LUZP2: variants seen among roughly 807,000 people sequenced by gnomAD.
LUZP2 encodes leucine zipper protein 2.
Under a neutral mutation model 51.6 loss-of-function variants are expected in LUZP2, and 52 were observed. The ratio of observed to expected loss-of-function variants is 1.01; its 90% CI spans 0.81 to 1.27. LUZP2 has a LOEUF of 1.27. LUZP2 is among the 50% of genes most tolerant of loss of function. LUZP2 has a pLI of 0.00. For missense variants in LUZP2, 436 were observed against 395.4 expected (o/e 1.10, Z -0.87); for synonymous variants, 154 against 137.3 (o/e 1.12, Z -0.85).
At chr11:24,608,223 C>A (rs1054716936) in intron 1 of LUZP2, among the ~76,000 whole-genome samples, 4 of 152,132 alleles carry the variant, frequency 2.6e-5, no homozygotes, top group Non-Finnish European at 5.9e-5. Context: ...CCTGTATTCA[C>A]CTTCCAACCC....
At chr11:24,902,181 G>A (rs1223052272) in intron 5 of LUZP2, among the ~76,000 whole-genome samples, 1 of 152,006 alleles carries the variant, frequency 6.6e-6, no homozygotes, top group Non-Finnish European at 1.5e-5. Context: ...ATGTTCAGGG[G>A]TACATGTGCA....
chr11:25,017,305 G>A (rs1857188773), intron 9 of LUZP2, among the ~76,000 whole-genome samples: 1 of 151,928 alleles, frequency 6.6e-6, no homozygotes, highest in Non-Finnish European at 1.5e-5. Flanking sequence ...TTTTGTTTTT[G>A]TTGCTTTCCC....
At chr11:24,653,362 G>T (rs1024195225) in intron 1 of LUZP2, among the ~76,000 whole-genome samples, 2 of 152,128 alleles carry the variant, frequency 1.3e-5, no homozygotes, top group Non-Finnish European at 2.9e-5. Flanking sequence ...GTAGTTAAAA[G>T]AAGTTTTCAT....
At chr11:24,570,330 A>AT (rs1243368658) in intron 1 of LUZP2, among the ~76,000 whole-genome samples, 3 of 152,010 alleles carry the variant, frequency 2.0e-5, no homozygotes, top group Admixed American at 1.3e-4. Context: ...GCAAAAATAA[A>AT]TTTTTTGATG....
At chr11:24,635,254 A>G (rs1855049511) in intron 1 of LUZP2, among the ~76,000 whole-genome samples, 1 of 152,166 alleles carries the variant, frequency 6.6e-6, no homozygotes, top group South Asian at 2.1e-4. Flanking sequence ...GTAAATAAAA[A>G]GAAATATGAC....
chr11:24,606,152 T>A (rs769599330), intron 1 of LUZP2, among the ~76,000 whole-genome samples: 23 of 151,880 alleles, frequency 1.5e-4, no homozygotes, highest in Non-Finnish European at 3.2e-4. Flanking sequence ...TATGTGTATG[T>A]GTATGTGGGT....
Position 24,745,874 on chromosome 11 carries a change from C to T in LUZP2, c.333+7572C>T, listed in dbSNP as rs555553392. Among the ~76,000 whole-genome samples, 4 of 152,180 alleles carry T rather than the reference C, an allele frequency of 2.6e-5. No individual in the cohort carries two copies. The East Asian group carries it at 5.8e-4, about 22-fold the overall frequency. The stretch of plus-strand genomic sequence containing the variant: ...TGTATTTTTAGTAGAGATGGGGTTT[C>T]GCCATGTTGGCCAGGATGGTCTTGA... On this transcript the variant is annotated intron_variant, in intron 4 of 11. Coordinates refer to ENST00000336930, the MANE Select transcript of LUZP2 (RefSeq NM_001009909.4).
At chr11:24,616,412 G>A (rs1249773840) in intron 1 of LUZP2, among the ~76,000 whole-genome samples, 1 of 150,914 alleles carries the variant, frequency 6.6e-6, no homozygotes, top group Admixed American at 6.6e-5. Context: ...GCTTTAAGTC[G>A]ACAATTTTTA....
At chr11:24,677,942 C>G (rs567258057) in intron 1 of LUZP2, among the ~76,000 whole-genome samples, 9 of 151,696 alleles carry the variant, frequency 5.9e-5, no homozygotes, top group Non-Finnish European at 8.8e-5. Context: ...GAGGCTGAGG[C>G]AAGAGAATGG....
At chr11:25,056,432 C>T (rs561914588) in intron 10 of LUZP2, among the ~76,000 whole-genome samples, 10 of 152,190 alleles carry the variant, frequency 6.6e-5, no homozygotes, top group Non-Finnish European at 8.8e-5. Context: ...GCTGATAGGA[C>T]CCCATGCAGT....
chr11:24,660,849 T>G (rs1855996654), intron 1 of LUZP2, among the ~76,000 whole-genome samples: 1 of 152,198 alleles, frequency 6.6e-6, no homozygotes, highest in African/African-American at 2.4e-5. Flanking sequence ...CTTCTTATGA[T>G]AAAAGATATG....
intron 9 of LUZP2, among the ~76,000 whole-genome samples, chr11:25,007,907 G>T (rs950226215): frequency 1.3e-5 from 2 of 152,196 alleles, no homozygotes; most frequent in African/African-American, 4.8e-5. Context: ...TATAATTTAT[G>T]TTGTAACTAA....
intron 5 of LUZP2, among the ~76,000 whole-genome samples, chr11:24,806,908 C>CA (rs140016582): frequency 0.13 from 16,601 of 126,712 alleles, 1,326 homozygotes; most frequent in East Asian, 0.5. Flanking sequence ...TAGGGGATGA[C>CA]AAAAAAAAAA....
At chr11:25,005,918 C>G (rs1331847280) in intron 9 of LUZP2, among the ~76,000 whole-genome samples, 1 of 152,114 alleles carries the variant, frequency 6.6e-6, no homozygotes, top group East Asian at 1.9e-4. Flanking sequence ...TACCCCTGTC[C>G]TATAAAGATG....
chr11:24,954,090 G>T (rs1855152562), intron 7 of LUZP2, among the ~76,000 whole-genome samples: 1 of 151,004 alleles, frequency 6.6e-6, no homozygotes, highest in Non-Finnish European at 1.5e-5. Context: ...GCAAACACTT[G>T]TTACAGCACA....
At chr11:24,790,657 A>G (rs1380771207) in intron 5 of LUZP2, among the ~76,000 whole-genome samples, 1 of 151,940 alleles carries the variant, frequency 6.6e-6, no homozygotes, top group Non-Finnish European at 1.5e-5. Flanking sequence ...ATGTATCACC[A>G]CGCCCAGCTA....
intron 1 of LUZP2, among the ~76,000 whole-genome samples, chr11:24,565,414 T>A (rs900202137): frequency 1.3e-5 from 2 of 152,080 alleles, no homozygotes; most frequent in Admixed American, 6.6e-5. Flanking sequence ...ATAAGGGACG[T>A]GAAGGTAAAT....
chr11:24,640,264 C>A (rs139685246), intron 1 of LUZP2, among the ~76,000 whole-genome samples: 1 of 151,720 alleles, frequency 6.6e-6, no homozygotes, highest in African/African-American at 2.4e-5. Flanking sequence ...TCAAGCTGGG[C>A]GGAAAGTTAA....
intron 5 of LUZP2, among the ~76,000 whole-genome samples, chr11:24,824,352 G>T (rs1269083925): frequency 3.7e-5 from 1 of 26,782 alleles, no homozygotes; most frequent in Non-Finnish European, 8.9e-5. Context: ...AGCAAGAAGA[G>T]CAAAACCCCA....
Sources: gnomAD v4.1 joint callset for allele counts (sites outside exome capture counted in the v4.1 genomes callset) on GRCh38, gnomAD v4.1.1 for gene constraint, MANE v1.5 for transcripts, NCBI Gene and HGNC (gene_info 2026-07-23, HGNC 2026-07-21) for gene names.